The following WDR3 variants were observed in gnomAD, a reference collection of about 807,000 sequenced individuals.
The protein encoded by WDR3 is WD repeat-containing protein 3.
Under a neutral mutation model 123.7 loss-of-function variants are expected in WDR3, and 81 were observed. The ratio of observed to expected loss-of-function variants is 0.65; its 90% CI spans 0.55 to 0.79. WDR3 has a LOEUF of 0.79. WDR3 is among the 30% of genes least tolerant of loss of function. WDR3 has a pLI of 0.00. For synonymous variants in WDR3, 390 were observed against 388.8 expected (o/e 1.00, Z -0.04); for missense variants, 1,027 against 1,123.2 (o/e 0.91, Z 1.22).
rs3059173 is a variant in WDR3 at position 117,960,109 on chromosome 1, C to CGTGTGTGTGTGTGTGT, written c.*685_*700dup. On this transcript the variant is annotated 3_prime_UTR_variant, in exon 27 of 27. Coordinates refer to ENST00000349139, the MANE Select transcript of WDR3 (RefSeq NM_006784.3). ...TGGGCTTCTGAGGAATTAATACACT[C>CGTGTGTGTGTGTGTGT]GTGTGTGTGTGTGTGTGTGTGTGTG... 1.9e-4 allele frequency: 28 copies of CGTGTGTGTGTGTGTGT among 144,390 alleles called. No individual in the cohort carries two copies. Among genetic ancestry groups the CGTGTGTGTGTGTGTGT allele is most frequent in the African/African-American group, 5.3e-4 (20 of 37,894 alleles). The allele number at this position is 144,390 out of a possible 1,614,324, so 8.9% of individuals were successfully genotyped here. A position where few individuals can be genotyped will look rare whatever the true frequency, so the allele number is the denominator to read the frequency against.
At chr1:117,947,174 A>C (rs542936860) in intron 12 of WDR3, among the ~76,000 whole-genome samples, 2 of 152,128 alleles carry the variant, frequency 1.3e-5, no homozygotes, top group Admixed American at 6.5e-5. Flanking sequence ...AGTATACAAA[A>C]CTCTTAGCAG....
In WDR3 at chr1:117,960,512, T is replaced by TA. The variant is rs1295818221; in HGVS notation, c.*1066dup. On this transcript the variant is annotated 3_prime_UTR_variant, in exon 27 of 27. Transcript: ENST00000349139. ...GCCGCAGACCTCAATCTGTGGTACT[T>TA]ATCAAGCATCAGCTTTTTCTTGTAA... 3 of 152,304 alleles carry TA rather than the reference T, an allele frequency of 2.0e-5. No individual in the cohort carries two copies. Among genetic ancestry groups the TA allele is most frequent in the Non-Finnish European group, 4.4e-5 (3 of 68,088 alleles). 9.4% of individuals were successfully genotyped at this position (152,304 alleles called of 1,614,324 possible). A position where few individuals can be genotyped will look rare whatever the true frequency, so the allele number is the denominator to read the frequency against.
intron 6 of WDR3, 100 bp from the exon 7 acceptor site, chr1:117,940,727 C>CCGA (rs202123878): frequency 4.5e-4 from 496 of 1,101,612 alleles, no homozygotes; most frequent in African/African-American, 1.3e-3. Context: ...GACTCTGTCT[C>CCGA]CGACAACAAC....
Position 117,954,583 on chromosome 1 carries a change from C to G in WDR3, c.2365C>G (p.Pro789Ala), listed in dbSNP as rs147613184. The change falls in exon 23 of 27, where the codon CCA becomes GCA. Residue 789 changes from proline to alanine, a missense_variant. By Grantham distance (27) the Pro-to-Ala change is conservative (BLOSUM62 -1). Transcript: ENST00000349139. The stretch of plus-strand genomic sequence containing the variant: ...TGATTTAATAATTTCTTCATAGGTT[C>G]CACTTCCCAGCAACCCCATCCTAAT... ...AICKAAGKEV[P>A]LPSNPILMAY... 1.2e-6 allele frequency: 2 copies of G among 1,612,244 alleles called. No homozygotes were observed. Among genetic ancestry groups the G allele is most frequent in the Non-Finnish European group, 1.7e-6 (2 of 1,179,044 alleles).
chr1:117,947,492 T>C (rs1651451119), intron 12 of WDR3, among the ~76,000 whole-genome samples: 1 of 152,226 alleles, frequency 6.6e-6, no homozygotes, highest in African/African-American at 2.4e-5. Flanking sequence ...TTTCACTCTT[T>C]CAACAAATGT....
intron 13 of WDR3, 143 bp from the exon 14 acceptor site, chr1:117,949,608 A>G (rs903137643): frequency 4.7e-6 from 4 of 842,394 alleles, no homozygotes; most frequent in African/African-American, 3.4e-5. Flanking sequence ...GATCAGTGAA[A>G]GGGGCTAGGG....
chr1:117,945,529 C>T (rs2101210049), intron 11 of WDR3, among the ~76,000 whole-genome samples: 1 of 152,270 alleles, frequency 6.6e-6, no homozygotes, highest in Admixed American at 6.5e-5. Flanking sequence ...CTCTATAGCA[C>T]CTAACACCTG....
chr1:117,932,109 A>G (rs12075590), intron 1 of WDR3, among the ~76,000 whole-genome samples: 13,880 of 152,264 alleles, frequency 0.091, 1,499 homozygotes, highest in African/African-American at 0.26. Context: ...TAAAGAACAG[A>G]TGGGACTGAT....
At chr1:117,948,196 C>T (rs150097094) in intron 12 of WDR3, among the ~76,000 whole-genome samples, 157 of 152,324 alleles carry the variant, frequency 1.0e-3, no homozygotes, top group African/African-American at 3.7e-3. Flanking sequence ...TATGGTAGCC[C>T]TGCCAAGGTT....
In WDR3 at chr1:117,966,528, T is replaced by A; in HGVS notation, c.*7081T>A. Reference sequence around the variant, plus strand: ...GAAGATAGAATTAATAAAGTAGAGATGCATTTTGACTTCCATGTTTTCCTC... The same window carrying A: ...GAAGATAGAATTAATAAAGTAGAGAAGCATTTTGACTTCCATGTTTTCCTC... On this transcript the variant is annotated 3_prime_UTR_variant, in exon 27 of 27. Transcript: ENST00000349139. 8.1e-7 allele frequency: 1 copy of A among 1,231,138 alleles called. No individual in the cohort carries two copies. Among genetic ancestry groups the A allele is most frequent in the Non-Finnish European group, 1.1e-6 (1 of 909,934 alleles). 76.3% of individuals were successfully genotyped at this position (1,231,138 alleles called of 1,614,324 possible). A position where few individuals can be genotyped will look rare whatever the true frequency, so the allele number is the denominator to read the frequency against.
rs1448318523 is a variant in WDR3, at chr1:117,963,898, G to T, written c.*4451G>T. 1 of 1,613,958 alleles carries T rather than the reference G, an allele frequency of 6.2e-7. No homozygotes were observed. The highest frequency in any genetic ancestry group is 8.5e-7 in the Non-Finnish European group (1 of 1,179,906). ...TTGGATTTTCTTTTCCCTGGGGAAAGTCTTTTGGTCGTTTATCATAATTGC... is the reference window on the plus strand; with the variant it reads ...TTGGATTTTCTTTTCCCTGGGGAAATTCTTTTGGTCGTTTATCATAATTGC... On this transcript the variant is annotated 3_prime_UTR_variant, in exon 27 of 27. Transcript: ENST00000349139.
At chr1:117,945,091 C>T (rs1466538576) in intron 11 of WDR3, among the ~76,000 whole-genome samples, 1 of 152,180 alleles carries the variant, frequency 6.6e-6, no homozygotes, top group Non-Finnish European at 1.5e-5. Context: ...ATCTTACCAC[C>T]TGCACTGCCA....
chr1:117,953,114 C>A, intron 20 of WDR3, 118 bp downstream of exon 20: 2 of 1,171,884 alleles, frequency 1.7e-6, no homozygotes, highest in Non-Finnish European at 2.4e-6. Context: ...TTGCAGGTAT[C>A]ACCAGCTGAT....
Position 117,940,842 on chromosome 1 carries a change from G to T in WDR3, c.691G>T (p.Glu231Ter), listed in dbSNP as rs1651122543. 1 of 1,612,372 alleles carries T rather than the reference G, an allele frequency of 6.2e-7. No homozygotes were observed. Among genetic ancestry groups the T allele is most frequent in the Non-Finnish European group, 8.5e-7 (1 of 1,179,624 alleles). ...AYLQEIEDPE[E>*]PDPKKIKGSS... is the part of the protein sequence containing the mutation. ...TATAAAACAGATTGAAGACCCGGAAGAACCAGACCCCAAGAAAATCAAAGG... is the reference window on the plus strand; with the variant it reads ...TATAAAACAGATTGAAGACCCGGAATAACCAGACCCCAAGAAAATCAAAGG... The change falls in exon 7 of 27, where the codon GAA becomes TAA. Residue 231 changes from glutamate to a stop codon, truncating the protein, a stop_gained. Coordinates refer to ENST00000349139, the MANE Select transcript of WDR3 (RefSeq NM_006784.3). LOFTEE classifies it high-confidence loss of function.
At chr1:117,955,382 T>G (rs1185678174) in intron 24 of WDR3, 24 bp downstream of exon 24, 1 of 1,608,494 alleles carries the variant, frequency 6.2e-7, no homozygotes, top group African/African-American at 1.3e-5. Flanking sequence ...TGCGCACAAT[T>G]TTTGTAATCT....
intron 15 of WDR3, 140 bp downstream of exon 15, chr1:117,950,270 G>T (rs1286313424): frequency 4.7e-6 from 5 of 1,064,004 alleles, no homozygotes; most frequent in Non-Finnish European, 6.7e-6. Flanking sequence ...TCAAAGCAAT[G>T]TAACTATGCT....
At chr1:117,956,775 CAT>C (rs1316239313) in intron 24 of WDR3, among the ~76,000 whole-genome samples, 2 of 152,018 alleles carry the variant, frequency 1.3e-5, no homozygotes, top group African/African-American at 4.8e-5. Context: ...AAAAGAATAT[CAT>C]ATGAAGATGG....
intron 1 of WDR3, among the ~76,000 whole-genome samples, chr1:117,931,366 C>T (rs887619452): frequency 6.6e-6 from 1 of 152,178 alleles, no homozygotes; most frequent in East Asian, 1.9e-4. Context: ...AGCGTAAGCA[C>T]TCTCTAAATC....
chr1:117,952,803 C>A, intron 19 of WDR3, 141 bp downstream of exon 19: 1 of 1,428,986 alleles, frequency 7.0e-7, no homozygotes, highest in Non-Finnish European at 9.6e-7. Context: ...AGACCATTGT[C>A]ACCCATTTCA....
Sources: gnomAD v4.1 joint callset for allele counts (sites outside exome capture counted in the v4.1 genomes callset) on GRCh38, gnomAD v4.1.1 for gene constraint, MANE v1.5 for transcripts, NCBI Gene and HGNC (gene_info 2026-07-23, HGNC 2026-07-21) for gene names.